Variants in ESR1 observed in about 807,000 individuals in gnomAD.
ESR1 encodes estrogen receptor 1.
A neutral mutation model predicts 52.7 loss-of-function variants in ESR1; 12 were observed. The ratio of observed to expected loss-of-function variants is 0.23; its 90% CI spans 0.15 to 0.37. ESR1 has a LOEUF of 0.37. Among genes scored for constraint, ESR1 ranks in the 10% least tolerant of loss-of-function variants. The pLI, the probability that ESR1 is intolerant of heterozygous loss-of-function variation, is 1.00. For missense variants in ESR1, 584 were observed against 779.7 expected (o/e 0.75, Z 2.99); for synonymous variants, 305 against 316.8 (o/e 0.96, Z 0.39).
chr6:151,693,611 T>C (rs118135437), intron 1 of ESR1, among the ~76,000 whole-genome samples: 3,016 of 152,242 alleles, frequency 0.02, 38 homozygotes, highest in East Asian at 0.032. Context: ...CATACACACA[T>C]AGAGCTCTAT....
chr6:151,912,281 T>A (rs9340879), intron 3 of ESR1, among the ~76,000 whole-genome samples: 1,762 of 152,352 alleles, frequency 0.012, 8 homozygotes, highest in Middle Eastern at 0.02. Flanking sequence ...ATTTTCAAAT[T>A]CGGTTGAAAC....
intron 2 of ESR1, among the ~76,000 whole-genome samples, chr6:151,747,329 G>A (rs531977311): frequency 6.6e-6 from 1 of 152,244 alleles, no homozygotes; most frequent in East Asian, 1.9e-4. Context: ...TAAGCAGATG[G>A]GTTGTGGAAG....
chr6:152,093,352 C>T (rs2050350019), intron 6 of ESR1, among the ~76,000 whole-genome samples: 2 of 89,388 alleles, frequency 2.2e-5, no homozygotes, highest in Non-Finnish European at 4.7e-5. Context: ...CTCTCTCTCT[C>T]TTTCTCTCTC....
At chr6:151,667,698 T>C (rs892822987) in intron 1 of ESR1, among the ~76,000 whole-genome samples, 1 of 152,120 alleles carries the variant, frequency 6.6e-6, no homozygotes, top group Non-Finnish European at 1.5e-5. Context: ...CCAGTCCTTG[T>C]TTGCAGGGAG....
chr6:151,734,035 C>T (rs1053515134), intron 2 of ESR1, among the ~76,000 whole-genome samples: 6 of 152,320 alleles, frequency 3.9e-5, no homozygotes, highest in South Asian at 2.1e-4. Context: ...TTTCCAACTG[C>T]GTATGAAGCT....
intron 2 of ESR1, among the ~76,000 whole-genome samples, chr6:151,751,753 G>A (rs1341808719): frequency 6.6e-6 from 1 of 152,000 alleles, no homozygotes; most frequent in Non-Finnish European, 1.5e-5. Context: ...ATATAACTTG[G>A]TTCACAATAT....
At chr6:151,957,408 T>C (rs554115304) in intron 4 of ESR1, among the ~76,000 whole-genome samples, 2 of 152,322 alleles carry the variant, frequency 1.3e-5, no homozygotes, top group East Asian at 1.9e-4. Flanking sequence ...CTAAAAAGCA[T>C]TTTAAACATT....
intron 2 of ESR1, among the ~76,000 whole-genome samples, chr6:151,785,827 G>A (rs1786968492): frequency 6.6e-6 from 1 of 152,218 alleles, no homozygotes; most frequent in Non-Finnish European, 1.5e-5. Context: ...GATTTGTCAG[G>A]AAGGAAGTGT....
intron 3 of ESR1, among the ~76,000 whole-genome samples, chr6:151,890,018 A>T (rs1164929143): frequency 6.6e-6 from 1 of 151,908 alleles, no homozygotes; most frequent in African/African-American, 2.4e-5. Context: ...AATACTTGAT[A>T]TGGTGTCAAT....
At chr6:151,881,075 T>C (rs1002168949) in intron 3 of ESR1, among the ~76,000 whole-genome samples, 3 of 152,254 alleles carry the variant, frequency 2.0e-5, no homozygotes, top group Non-Finnish European at 4.4e-5. Context: ...GAGTGCTTAG[T>C]AAATTATTCT....
intron 6 of ESR1, among the ~76,000 whole-genome samples, chr6:152,123,790 G>A (rs1023590515): frequency 2.6e-5 from 4 of 152,212 alleles, no homozygotes; most frequent in Admixed American, 2.6e-4. Context: ...GACATTGTAT[G>A]TGAGGCTACT....
At chr6:152,047,926 C>T (rs1386134453) in intron 5 of ESR1, among the ~76,000 whole-genome samples, 2 of 149,130 alleles carry the variant, frequency 1.3e-5, no homozygotes, top group African/African-American at 5.0e-5. Flanking sequence ...AGGATGTCAA[C>T]CTTCTTTCAG....
chr6:151,898,384 A>ATTTTTTTTTTTTTTTTTTTTT (rs371510396), intron 3 of ESR1, among the ~76,000 whole-genome samples: 4 of 101,216 alleles, frequency 4.0e-5, no homozygotes, highest in Non-Finnish European at 4.3e-5. Context: ...GGTTTTGTTC[A>ATTTTTTTTTTTTTTTTTTTTT]TTTTTTTTTT....
intron 2 of ESR1, among the ~76,000 whole-genome samples, chr6:151,738,939 G>A (rs1782875506): frequency 6.6e-6 from 1 of 152,146 alleles, no homozygotes; most frequent in Non-Finnish European, 1.5e-5. Context: ...TCCTACCTCT[G>A]TTAGCTTAAA....
At chr6:152,010,462 G>T (rs1319010948) in intron 4 of ESR1, among the ~76,000 whole-genome samples, 1 of 152,090 alleles carries the variant, frequency 6.6e-6, no homozygotes, top group Non-Finnish European at 1.5e-5. Context: ...GGAAGGAAAG[G>T]TTGAGGGCAA....
chr6:151,736,493 C>T (rs540210700), intron 2 of ESR1, among the ~76,000 whole-genome samples: 1 of 151,282 alleles, frequency 6.6e-6, no homozygotes, highest in Admixed American at 6.6e-5. Flanking sequence ...CTGCCTCAGC[C>T]TCCTTGGTAG....
At chr6:151,759,644 C>T (rs141570194) in intron 2 of ESR1, among the ~76,000 whole-genome samples, 243 of 152,352 alleles carry the variant, frequency 1.6e-3, no homozygotes, top group African/African-American at 5.1e-3. Flanking sequence ...GCAGCTTTGA[C>T]GCTGCAGAAC....
intron 1 of ESR1, among the ~76,000 whole-genome samples, chr6:151,698,349 GGCAACAGA>G (rs1431870908): frequency 6.6e-6 from 1 of 151,672 alleles, no homozygotes; most frequent in Non-Finnish European, 1.5e-5. Flanking sequence ...TTCCAGCCTG[GGCAACAGA>G]GCAAGATCTT....
At chr6:151,744,360 A>G (rs1783327640) in intron 2 of ESR1, among the ~76,000 whole-genome samples, 1 of 152,164 alleles carries the variant, frequency 6.6e-6, no homozygotes, top group Non-Finnish European at 1.5e-5. Context: ...TGAGGGTTCA[A>G]TTTCTCCACA....
Sources: gnomAD v4.1 joint callset for allele counts (sites outside exome capture counted in the v4.1 genomes callset) on GRCh38, gnomAD v4.1.1 for gene constraint, MANE v1.5 for transcripts, NCBI Gene and HGNC (gene_info 2026-07-23, HGNC 2026-07-21) for gene names.